The following FLYWCH1 variants were observed in gnomAD, a reference collection of about 807,000 sequenced individuals.
FLYWCH1 encodes FLYWCH-type zinc finger 1, also known as FLYWCH-type zinc finger-containing protein 1.
Under a neutral mutation model 66.4 loss-of-function variants are expected in FLYWCH1, and 75 were observed. The ratio of observed to expected loss-of-function variants is 1.13; its 90% CI spans 0.94 to 1.37. The LOEUF (loss-of-function observed/expected upper bound fraction) is 1.37. FLYWCH1 is among the 40% of genes most tolerant of loss of function. The pLI is 0.00. For synonymous variants in FLYWCH1, 595 were observed against 429.9 expected (o/e 1.38, Z -4.75); for missense variants, 1,334 against 1,001.8 (o/e 1.33, Z -4.48).
At chr16:2,925,571 T>C (rs1244247931) in intron 2 of FLYWCH1, among the ~76,000 whole-genome samples, 1 of 22,618 alleles carries the variant, frequency 4.4e-5, no homozygotes. Flanking sequence ...GTAGGGGGAG[T>C]TGCGGGGGGA....
At chr16:2,913,796 C>T (rs950296198) in intron 1 of FLYWCH1, among the ~76,000 whole-genome samples, 8 of 152,158 alleles carry the variant, frequency 5.3e-5, no homozygotes, top group African/African-American at 1.7e-4. Flanking sequence ...GCACCTCCAA[C>T]GCTCATGGTT....
rs1313670616 is a variant in FLYWCH1, at chr16:2,933,823, C to T, written c.1357C>T (p.Arg453Trp). 29 of 1,608,870 alleles carry T rather than the reference C, an allele frequency of 1.8e-5. No homozygotes were observed. The highest frequency in any genetic ancestry group is 2.7e-5 in the African/African-American group (2 of 74,810). ...TGGGGAGAAGGTGTATTGGACCTGC[C>T]GGGACCAGGCCCGCATGGGCTGCCG... ...AAGEKVYWTC[R>W]DQARMGCRSR... Residue 453 changes from arginine to tryptophan, a missense_variant, in exon 6 of 10, where the codon CGG becomes TGG. Transcript: ENST00000253928.
intron 9 of FLYWCH1, among the ~76,000 whole-genome samples, chr16:2,943,819 C>A (rs143475421): frequency 0.061 from 9,318 of 152,098 alleles, 959 homozygotes; most frequent in African/African-American, 0.21. Flanking sequence ...CACCCGTAAT[C>A]CCAGCTACTT....
rs774982028 is a variant in FLYWCH1 at position 2,929,650 on chromosome 16, T to G, written c.-36T>G. ...GCACTCCAGGTTCCTTGCTGGGTGCTGAGCGTGGCCTGAGGGACAGGCCCT... is the reference window on the plus strand; with the variant it reads ...GCACTCCAGGTTCCTTGCTGGGTGCGGAGCGTGGCCTGAGGGACAGGCCCT... On this transcript the variant is annotated 5_prime_UTR_variant, in exon 3 of 10. Coordinates refer to ENST00000253928, the MANE Select transcript of FLYWCH1 (RefSeq NM_001308068.2). The G allele has an allele frequency of 1.3e-6, 2 of 1,586,238 alleles. No homozygotes were observed. The highest frequency in any genetic ancestry group is 1.7e-6 in the Non-Finnish European group (2 of 1,166,176).
chr16:2,941,722 A>G (rs564654712), intron 9 of FLYWCH1, among the ~76,000 whole-genome samples: 4 of 145,530 alleles, frequency 2.7e-5, no homozygotes, highest in African/African-American at 1.1e-4. Flanking sequence ...TAGAAAAACT[A>G]AAAAAAAAAG....
intron 2 of FLYWCH1, among the ~76,000 whole-genome samples, chr16:2,928,327 G>A (rs567126922): frequency 6.6e-6 from 1 of 152,146 alleles, no homozygotes; most frequent in Non-Finnish European, 1.5e-5. Context: ...CAGGCTGGGG[G>A]ATGGTAAGGT....
intron 9 of FLYWCH1, among the ~76,000 whole-genome samples, chr16:2,942,226 C>G (rs937060296): frequency 2.0e-5 from 3 of 152,108 alleles, no homozygotes; most frequent in African/African-American, 4.8e-5. Flanking sequence ...GACACCCAGG[C>G]TGGAGTGCAG....
At chr16:2,944,692 G>A (rs1009242869) in intron 9 of FLYWCH1, among the ~76,000 whole-genome samples, 8 of 151,276 alleles carry the variant, frequency 5.3e-5, no homozygotes, top group South Asian at 2.1e-4. Context: ...GCATGGTGGC[G>A]CCAGCCTGTA....
intron 2 of FLYWCH1, among the ~76,000 whole-genome samples, chr16:2,928,282 ACTC>A (rs1422839409): frequency 3.3e-5 from 5 of 151,576 alleles, no homozygotes; most frequent in Non-Finnish European, 4.4e-5. Flanking sequence ...TCCCTCTTTC[ACTC>A]CTCCTCCTCA....
At chr16:2,934,177 G>A (rs1225099071) in intron 6 of FLYWCH1, among the ~76,000 whole-genome samples, 198 bp downstream of exon 6, 1 of 152,092 alleles carries the variant, frequency 6.6e-6, no homozygotes, top group African/African-American at 2.4e-5. Flanking sequence ...TTCCTGCTCA[G>A]CCCAGCCTCC....
chr16:2,943,765 G>A (rs753857704), intron 9 of FLYWCH1, among the ~76,000 whole-genome samples: 6 of 151,950 alleles, frequency 3.9e-5, no homozygotes, highest in Non-Finnish European at 7.4e-5. Context: ...GTGAAACTCT[G>A]TCTCTACTCA....
At chr16:2,943,021 G>A (rs2071337214) in intron 9 of FLYWCH1, among the ~76,000 whole-genome samples, 1 of 152,028 alleles carries the variant, frequency 6.6e-6, no homozygotes, top group African/African-American at 2.4e-5. Flanking sequence ...GAACTTGACT[G>A]GTAAAGAGCT....
intron 9 of FLYWCH1, among the ~76,000 whole-genome samples, chr16:2,945,308 A>T (rs968579562): frequency 4.6e-5 from 7 of 151,726 alleles, no homozygotes; most frequent in African/African-American, 1.7e-4. Flanking sequence ...TAACACGGTA[A>T]AATCCCGTCT....
intron 6 of FLYWCH1, 95 bp downstream of exon 6, chr16:2,934,074 GT>G: frequency 7.3e-7 from 1 of 1,367,274 alleles, no homozygotes; most frequent in African/African-American, 1.5e-5. Context: ...CCTGGCAAAC[GT>G]CCTCTTCCCT....
intron 4 of FLYWCH1, among the ~76,000 whole-genome samples, chr16:2,932,419 G>A (rs1043617875): frequency 2.6e-5 from 4 of 152,054 alleles, no homozygotes; most frequent in African/African-American, 4.8e-5. Flanking sequence ...TTTATCCTAA[G>A]GTGGCTGTGA....
intron 2 of FLYWCH1, among the ~76,000 whole-genome samples, chr16:2,925,584 G>T (rs1206432437): frequency 2.1e-5 from 3 of 141,242 alleles, no homozygotes; most frequent in Non-Finnish European, 4.7e-5. Flanking sequence ...CGGGGGGAGG[G>T]GGGTACGGGG....
intron 4 of FLYWCH1, among the ~76,000 whole-genome samples, chr16:2,931,373 T>C (rs111475026): frequency 0.014 from 2,108 of 149,110 alleles, 44 homozygotes; most frequent in African/African-American, 0.044. Flanking sequence ...CCTATAATCC[T>C]AGCACTTTGG....
chr16:2,943,933 TC>T (rs1161841757), intron 9 of FLYWCH1, among the ~76,000 whole-genome samples: 3 of 151,784 alleles, frequency 2.0e-5, no homozygotes, highest in Non-Finnish European at 4.4e-5. Flanking sequence ...TGAGATCCCG[TC>T]TCTACAAAAA....
At position 2,923,061 on chromosome 16, in the gene FLYWCH1, G is replaced by A. The variant is rs536126380; in HGVS notation, c.-73-6552G>A. The A allele has an allele frequency of 1.1e-3, 451 of 420,166 alleles. 1 individual carries two copies. Among genetic ancestry groups the A allele is most frequent in the African/African-American group, 2.3e-3 (109 of 48,194 alleles). The allele number at this position is 420,166 out of a possible 1,614,324, so 26.0% of individuals were successfully genotyped here. On this transcript the variant is annotated intron_variant, in intron 2 of 9. Transcript: ENST00000253928. ...CTTTTTTTGTGTGTGTGTGGCTGTT[G>A]TGCGGATCTATTTTTTTTATAGTTT...
Sources: gnomAD v4.1 joint callset for allele counts (sites outside exome capture counted in the v4.1 genomes callset) on GRCh38, gnomAD v4.1.1 for gene constraint, MANE v1.5 for transcripts, NCBI Gene and HGNC (gene_info 2026-07-23, HGNC 2026-07-21) for gene names.